Variants in NLGN1 observed in about 807,000 individuals in gnomAD.
The protein encoded by NLGN1 is neuroligin 1.
Under a neutral mutation model 65.5 loss-of-function variants are expected in NLGN1, and 12 were observed. That is an observed-to-expected ratio of 0.18 (90% CI 0.12 to 0.30). The LOEUF (loss-of-function observed/expected upper bound fraction) is 0.30, where lower values mean the gene tolerates loss of function less well. Among genes scored for constraint, NLGN1 ranks in the 10% least tolerant of loss-of-function variants. The probability of loss-of-function intolerance (pLI) is 1.00; values close to 1 mark genes in which losing one functional copy is unlikely to be tolerated. For synonymous variants in NLGN1, 350 were observed against 359.5 expected (o/e 0.97, Z 0.30); for missense variants, 750 against 1,007.1 (o/e 0.74, Z 3.46).
At chr3:174,137,168 T>G (rs1028775163) in intron 4 of NLGN1, among the ~76,000 whole-genome samples, 10 of 152,104 alleles carry the variant, frequency 6.6e-5, no homozygotes, top group African/African-American at 2.4e-4. Context: ...CATTGCAAAG[T>G]TGAAAAATCA....
intron 1 of NLGN1, among the ~76,000 whole-genome samples, chr3:173,429,227 G>A (rs1308430623): frequency 1.3e-5 from 2 of 151,926 alleles, no homozygotes; most frequent in Admixed American, 6.6e-5. Context: ...TTTTCAAACA[G>A]CCTGTCTTCA....
chr3:174,140,343 G>A (rs1191509636), intron 4 of NLGN1, among the ~76,000 whole-genome samples: 1 of 152,046 alleles, frequency 6.6e-6, no homozygotes, highest in Non-Finnish European at 1.5e-5. Context: ...ATTTCATGCA[G>A]AACTTGAGTT....
chr3:173,833,145 T>G (rs1389958612), intron 4 of NLGN1, among the ~76,000 whole-genome samples: 2 of 152,206 alleles, frequency 1.3e-5, no homozygotes, highest in Non-Finnish European at 2.9e-5. Flanking sequence ...TATATGTGCA[T>G]TTAAAATTTT....
chr3:174,144,975 C>G (rs141039583), intron 4 of NLGN1, among the ~76,000 whole-genome samples: 13 of 152,002 alleles, frequency 8.6e-5, no homozygotes, highest in Admixed American at 8.5e-4. Flanking sequence ...GAAGTCTTTG[C>G]CCATGCCTAT....
chr3:173,794,238 C>T (rs1160336632), intron 3 of NLGN1, among the ~76,000 whole-genome samples: 1 of 152,076 alleles, frequency 6.6e-6, no homozygotes, highest in Non-Finnish European at 1.5e-5. Context: ...AAGACTTTTT[C>T]CTTGACACTT....
intron 4 of NLGN1, among the ~76,000 whole-genome samples, chr3:173,895,843 C>T (rs146007347): frequency 6.6e-6 from 1 of 151,994 alleles, no homozygotes; most frequent in Non-Finnish European, 1.5e-5. Flanking sequence ...GGCATGTGCC[C>T]CCACACATGG....
intron 4 of NLGN1, among the ~76,000 whole-genome samples, chr3:174,061,813 T>TC (rs541399048): frequency 1.3e-3 from 194 of 152,248 alleles, no homozygotes; most frequent in African/African-American, 4.5e-3. Context: ...CCATTGAATA[T>TC]TCCCTGGTTG....
chr3:173,862,615 TAATC>T (rs1326694425), intron 4 of NLGN1, among the ~76,000 whole-genome samples: 1 of 151,888 alleles, frequency 6.6e-6, no homozygotes, highest in Non-Finnish European at 1.5e-5. Context: ...ATGTTTGTAT[TAATC>T]AATGCCTAAA....
intron 2 of NLGN1, among the ~76,000 whole-genome samples, chr3:173,560,558 C>T (rs995034530): frequency 4.6e-5 from 7 of 151,700 alleles, no homozygotes; most frequent in Admixed American, 6.6e-5. Flanking sequence ...TTCAAATACC[C>T]GTCTATTTTA....
At chr3:173,431,290 A>G (rs80139135) in intron 1 of NLGN1, among the ~76,000 whole-genome samples, 1,988 of 152,108 alleles carry the variant, frequency 0.013, 22 homozygotes, top group Non-Finnish European at 0.022. Context: ...TCCGAGGATA[A>G]TTGTGTTTCC....
At chr3:173,858,244 A>AT (rs1390031170) in intron 4 of NLGN1, among the ~76,000 whole-genome samples, 4 of 152,016 alleles carry the variant, frequency 2.6e-5, no homozygotes, top group Non-Finnish European at 4.4e-5. Flanking sequence ...ATTTTGCTTG[A>AT]TTTTAAAAGA....
intron 2 of NLGN1, among the ~76,000 whole-genome samples, chr3:173,437,784 A>AAC (rs371529522): frequency 2.4e-4 from 36 of 150,448 alleles, no homozygotes; most frequent in Non-Finnish European, 4.1e-4. Flanking sequence ...CCCACCCACC[A>AAC]ACACACACAC....
At chr3:173,997,331 G>A (rs1237601262) in intron 4 of NLGN1, among the ~76,000 whole-genome samples, 6 of 152,018 alleles carry the variant, frequency 3.9e-5, no homozygotes, top group African/African-American at 1.4e-4. Flanking sequence ...AACAGAGGAG[G>A]CACCAGACAT....
intron 4 of NLGN1, among the ~76,000 whole-genome samples, chr3:174,265,782 T>TATATATACATAC (rs66906566): frequency 9.9e-6 from 1 of 101,124 alleles, no homozygotes; most frequent in African/African-American, 5.0e-5. Context: ...TATATATATA[T>TATATATACATAC]GTATATATAT....
intron 4 of NLGN1, among the ~76,000 whole-genome samples, chr3:174,260,512 A>G (rs1466262064): frequency 4.0e-5 from 6 of 151,300 alleles, no homozygotes; most frequent in Non-Finnish European, 7.4e-5. Flanking sequence ...CATGACCTTC[A>G]CCCACTTTTT....
At chr3:173,471,911 C>T (rs531023981) in intron 2 of NLGN1, among the ~76,000 whole-genome samples, 14 of 152,182 alleles carry the variant, frequency 9.2e-5, no homozygotes, top group Non-Finnish European at 1.6e-4. Flanking sequence ...TTTGCTGAAG[C>T]AGGCAGGTTT....
At chr3:174,275,276 G>T (rs754048416) in intron 4 of NLGN1, 39 bp from the exon 5 acceptor site, 1 of 1,478,496 alleles carries the variant, frequency 6.8e-7, no homozygotes. Context: ...TTTGATTCAC[G>T]TCAGCTCAAA....
chr3:173,811,225 A>AT (rs1356033108), intron 4 of NLGN1, among the ~76,000 whole-genome samples: 3 of 152,134 alleles, frequency 2.0e-5, no homozygotes, highest in Admixed American at 6.5e-5. Context: ...TTAGTAGGGT[A>AT]TTTTTTAAAC....
intron 4 of NLGN1, among the ~76,000 whole-genome samples, chr3:174,151,318 T>C (rs6801448): frequency 0.24 from 36,692 of 152,036 alleles, 5,212 homozygotes; most frequent in East Asian, 0.54. Context: ...TGTTGATGAA[T>C]TGATCAATCT....
Sources: gnomAD v4.1 joint callset for allele counts (sites outside exome capture counted in the v4.1 genomes callset) on GRCh38, gnomAD v4.1.1 for gene constraint, MANE v1.5 for transcripts, NCBI Gene and HGNC (gene_info 2026-07-23, HGNC 2026-07-21) for gene names.